ATRNL1: variants seen among roughly 807,000 people sequenced by gnomAD.
ATRNL1 encodes attractin-like protein 1.
A neutral mutation model predicts 182.7 loss-of-function variants in ATRNL1; 95 were observed. The observed-to-expected ratio is 0.52, with a 90% CI of 0.44 to 0.62. ATRNL1 has a LOEUF of 0.62. Ranked by LOEUF, ATRNL1 falls within the 20% of genes least tolerant of loss-of-function variation. The pLI is 0.00. For missense variants in ATRNL1, 1,471 were observed against 1,679.5 expected (o/e 0.88, Z 2.17); for synonymous variants, 576 against 568.3 (o/e 1.01, Z -0.19).
At chr10:115,263,225 A>G (rs782262894) in intron 10 of ATRNL1, among the ~76,000 whole-genome samples, 30 of 151,894 alleles carry the variant, frequency 2.0e-4, no homozygotes, top group Non-Finnish European at 3.8e-4. Context: ...CCAAAGATAT[A>G]CAAATGTCCA....
At chr10:115,908,435 T>C (rs1555115085) in intron 28 of ATRNL1, among the ~76,000 whole-genome samples, 1 of 152,052 alleles carries the variant, frequency 6.6e-6, no homozygotes, top group Non-Finnish European at 1.5e-5. Context: ...ACTAGCAGGA[T>C]CTGGTTGGTG....
intron 21 of ATRNL1, among the ~76,000 whole-genome samples, chr10:115,442,004 G>A (rs1448094578): frequency 6.6e-6 from 1 of 151,710 alleles, no homozygotes; most frequent in African/African-American, 2.4e-5. Context: ...TTTGACTCTG[G>A]TCCTTTTTAG....
intron 26 of ATRNL1, among the ~76,000 whole-genome samples, chr10:115,647,406 A>G (rs1859699416): frequency 6.6e-6 from 1 of 152,178 alleles, no homozygotes; most frequent in South Asian, 2.1e-4. Context: ...ACTAGTTTAC[A>G]GTCCCACCAA....
chr10:115,392,277 CAT>C (rs1466271684), intron 19 of ATRNL1, among the ~76,000 whole-genome samples: 6 of 152,146 alleles, frequency 3.9e-5, no homozygotes, highest in Non-Finnish European at 8.8e-5. Context: ...CCAAGCAAGA[CAT>C]AGAGTATAAT....
intron 10 of ATRNL1, among the ~76,000 whole-genome samples, chr10:115,249,072 C>T (rs564305990): frequency 6.6e-6 from 1 of 152,182 alleles, no homozygotes; most frequent in South Asian, 2.1e-4. Flanking sequence ...ACTTCTGCCT[C>T]CCAAGTTCAA....
chr10:115,266,318 C>T (rs1279336388), intron 11 of ATRNL1, among the ~76,000 whole-genome samples: 1 of 151,544 alleles, frequency 6.6e-6, no homozygotes, highest in Non-Finnish European at 1.5e-5. Context: ...AAGAAGAACT[C>T]GGTATCTAAT....
chr10:115,831,771 T>TTTC (rs782494499), intron 27 of ATRNL1, among the ~76,000 whole-genome samples: 10 of 152,110 alleles, frequency 6.6e-5, no homozygotes, highest in Non-Finnish European at 1.5e-4. Context: ...AAGTGAGTTT[T>TTTC]TTTTTTTCAA....
At chr10:115,747,254 A>G (rs181902602) in intron 27 of ATRNL1, among the ~76,000 whole-genome samples, 3 of 152,274 alleles carry the variant, frequency 2.0e-5, no homozygotes, top group Admixed American at 2.0e-4. Context: ...AACCTGTGCT[A>G]GAATGATGAT....
intron 27 of ATRNL1, among the ~76,000 whole-genome samples, chr10:115,835,059 T>A (rs1452665338): frequency 3.9e-5 from 6 of 152,148 alleles, no homozygotes; most frequent in African/African-American, 1.4e-4. Flanking sequence ...TTAATAATAG[T>A]TGACATTATT....
At chr10:115,824,788 G>T (rs1444667754) in intron 27 of ATRNL1, among the ~76,000 whole-genome samples, 1 of 152,196 alleles carries the variant, frequency 6.6e-6, no homozygotes, top group Non-Finnish European at 1.5e-5. Flanking sequence ...TGGAAAATAG[G>T]AGCGCTTGTA....
At chr10:115,406,466 T>C (rs1554958284) in intron 20 of ATRNL1, among the ~76,000 whole-genome samples, 2 of 152,228 alleles carry the variant, frequency 1.3e-5, no homozygotes, top group African/African-American at 4.8e-5. Context: ...TTATATTAAA[T>C]TATACCCATT....
intron 1 of ATRNL1, among the ~76,000 whole-genome samples, chr10:115,114,727 A>G: frequency 6.6e-6 from 1 of 152,194 alleles, no homozygotes; most frequent in Middle Eastern, 3.2e-3. Flanking sequence ...TCTTATAAAA[A>G]AGATGAAAGA....
At chr10:115,213,782 A>G (rs1849120055) in intron 8 of ATRNL1, among the ~76,000 whole-genome samples, 1 of 152,160 alleles carries the variant, frequency 6.6e-6, no homozygotes, top group Non-Finnish European at 1.5e-5. Flanking sequence ...AAATGAGATA[A>G]TGAGATAGTT....
At chr10:115,123,244 A>T (rs1280212865) in intron 3 of ATRNL1, among the ~76,000 whole-genome samples, 1 of 152,236 alleles carries the variant, frequency 6.6e-6, no homozygotes, top group Non-Finnish European at 1.5e-5. Context: ...CTTGATGTTA[A>T]GCACTAGGCT....
At chr10:115,423,670 A>C (rs1367148599) in intron 20 of ATRNL1, among the ~76,000 whole-genome samples, 1 of 152,218 alleles carries the variant, frequency 6.6e-6, no homozygotes, top group East Asian at 1.9e-4. Context: ...CCAAGAATAC[A>C]CGTTAGGGAG....
At chr10:115,459,311 AG>A (rs1847680147) in intron 21 of ATRNL1, among the ~76,000 whole-genome samples, 1 of 152,160 alleles carries the variant, frequency 6.6e-6, no homozygotes, top group South Asian at 2.1e-4. Context: ...TCTGACCGCT[AG>A]TTAGCCGGGC....
At chr10:115,549,361 C>A in intron 25 of ATRNL1, 97 bp from the exon 26 acceptor site, 1 of 659,632 alleles carries the variant, frequency 1.5e-6, no homozygotes, top group Non-Finnish European at 2.3e-6. Flanking sequence ...AAAGTTATTA[C>A]TTATATATAT....
intron 26 of ATRNL1, among the ~76,000 whole-genome samples, chr10:115,669,269 A>G (rs962332516): frequency 6.6e-6 from 1 of 152,102 alleles, no homozygotes; most frequent in Admixed American, 6.6e-5. Flanking sequence ...CTGACAGAAT[A>G]TGATAGCTGT....
intron 19 of ATRNL1, among the ~76,000 whole-genome samples, chr10:115,374,340 A>T (rs911076136): frequency 6.7e-6 from 1 of 150,238 alleles, no homozygotes; most frequent in Non-Finnish European, 1.5e-5. Context: ...TTCCTATTTC[A>T]TTTATTTATT....
Sources: gnomAD v4.1 joint callset for allele counts (sites outside exome capture counted in the v4.1 genomes callset) on GRCh38, gnomAD v4.1.1 for gene constraint, MANE v1.5 for transcripts, NCBI Gene and HGNC (gene_info 2026-07-23, HGNC 2026-07-21) for gene names.